CDH4: variants seen among roughly 807,000 people sequenced by gnomAD.
CDH4 encodes cadherin-4.
CDH4 carries 33 observed loss-of-function variants against 86.0 expected under a neutral mutation model. The observed-to-expected ratio is 0.38, with a 90% CI of 0.29 to 0.51. CDH4 has a LOEUF of 0.51. Ranked by LOEUF, CDH4 falls within the 20% of genes least tolerant of loss-of-function variation. CDH4 has a pLI of 0.86. For missense variants in CDH4, 1,114 were observed against 1,307.4 expected, an observed-to-expected ratio of 0.85 and a Z score of 2.28; for synonymous variants, 555 against 549.4, an observed-to-expected ratio of 1.01 and a Z score of -0.14.
chr20:61,421,150 G>C (rs1004955421), intron 2 of CDH4, among the ~76,000 whole-genome samples: 2 of 152,216 alleles, frequency 1.3e-5, no homozygotes, highest in Non-Finnish European at 2.9e-5. Context: ...GGGGACCCTG[G>C]CTGGGAGGGG....
At chr20:61,770,755 C>T (rs1490108658) in intron 3 of CDH4, among the ~76,000 whole-genome samples, 3 of 151,880 alleles carry the variant, frequency 2.0e-5, no homozygotes, top group Admixed American at 1.3e-4. Context: ...TGGTGGCGGG[C>T]GCCTGTAGTC....
intron 2 of CDH4, among the ~76,000 whole-genome samples, chr20:61,624,943 T>C (rs766884297): frequency 3.9e-5 from 6 of 152,212 alleles, no homozygotes; most frequent in Non-Finnish European, 5.9e-5. Context: ...GATAGAGCAG[T>C]TGACTGGGGC....
At chr20:61,764,506 C>T (rs1295976848) in intron 3 of CDH4, among the ~76,000 whole-genome samples, 2 of 152,076 alleles carry the variant, frequency 1.3e-5, no homozygotes, top group Admixed American at 6.5e-5. Flanking sequence ...AAGAGTTCAT[C>T]CAGAAAGACC....
intron 2 of CDH4, among the ~76,000 whole-genome samples, chr20:61,690,636 G>C (rs1186295190): frequency 6.6e-6 from 1 of 152,116 alleles, no homozygotes; most frequent in African/African-American, 2.4e-5. Context: ...CTGAGCTTTG[G>C]AGGACGGGGG....
chr20:61,556,877 G>A (rs1211988354), intron 2 of CDH4, among the ~76,000 whole-genome samples: 7 of 152,276 alleles, frequency 4.6e-5, no homozygotes, highest in Middle Eastern at 6.8e-3. Flanking sequence ...CAACAACACC[G>A]AGAACACGTG....
In CDH4 at chr20:61,703,588, C is replaced by T. The variant is rs2087799068; in HGVS notation, c.170-39975C>T. The stretch of plus-strand genomic sequence containing the variant: ...TCGTCCCCAGCTTGTGTCCCTTCCC[C>T]GTCGCACCTCTTCCCCGTGCCTGGA... On this transcript the variant is annotated intron_variant, in intron 2 of 15. Transcript: ENST00000614565. This position sits in a 1 kb window ranked among gnomAD's most constrained non-coding sequence, Gnocchi z 4.3. 6.6e-6 allele frequency among the ~76,000 whole-genome samples: 1 copy of T among 152,296 alleles called. No homozygotes were observed. Among genetic ancestry groups the T allele is most frequent in the Middle Eastern group, 3.4e-3 (1 of 294 alleles).
chr20:61,687,322 G>A (rs947929615), intron 2 of CDH4, among the ~76,000 whole-genome samples: 1 of 152,172 alleles, frequency 6.6e-6, no homozygotes, highest in African/African-American at 2.4e-5. Context: ...GTTCAGGGGA[G>A]TTTCTTACAC....
chr20:61,275,589 C>T (rs554831509), intron 2 of CDH4, among the ~76,000 whole-genome samples: 1 of 120,414 alleles, frequency 8.3e-6, no homozygotes, highest in African/African-American at 3.4e-5. Context: ...GGGGGAGTAC[C>T]ATGCGCAGTT....
intron 2 of CDH4, among the ~76,000 whole-genome samples, chr20:61,406,109 C>T (rs916731171): frequency 4.1e-4 from 63 of 152,194 alleles, no homozygotes; most frequent in African/African-American, 1.4e-3. Context: ...GCAAAGACCT[C>T]GCACTTGGCT....
chr20:61,288,777 C>T (rs932683214), intron 2 of CDH4, among the ~76,000 whole-genome samples: 1 of 152,212 alleles, frequency 6.6e-6, no homozygotes, highest in Non-Finnish European at 1.5e-5. Flanking sequence ...CCGGCTGCTC[C>T]ACAAAGCAGG....
chr20:61,427,783 CAGGCAGGCA>C (rs2085222931), intron 2 of CDH4, among the ~76,000 whole-genome samples: 1 of 152,074 alleles, frequency 6.6e-6, no homozygotes, highest in Non-Finnish European at 1.5e-5. Flanking sequence ...TCCCTCACTG[CAGGCAGGCA>C]GTGCATACCT....
At chr20:61,584,599 T>TG (rs1478446108) in intron 2 of CDH4, among the ~76,000 whole-genome samples, 2 of 152,136 alleles carry the variant, frequency 1.3e-5, no homozygotes, top group Non-Finnish European at 2.9e-5. Context: ...TATTGGGTGC[T>TG]GGGGGCACCT....
chr20:61,670,121 G>A (rs757027051), intron 2 of CDH4, among the ~76,000 whole-genome samples: 89 of 152,188 alleles, frequency 5.8e-4, no homozygotes, highest in Admixed American at 2.4e-3. Flanking sequence ...CCATAGCTCC[G>A]AGTAGCTGGA....
chr20:61,491,814 A>G (rs1490043465), intron 2 of CDH4, among the ~76,000 whole-genome samples: 2 of 146,160 alleles, frequency 1.4e-5, no homozygotes, highest in East Asian at 4.2e-4. Flanking sequence ...TGGTGGTGCC[A>G]TTGTTGGTGG....
At position 61,938,528 on chromosome 20, in the gene CDH4, A is replaced by C. The variant is rs1021858596; in HGVS notation, c.*1585A>C. On this transcript the variant is annotated 3_prime_UTR_variant, in exon 16 of 16. Coordinates refer to ENST00000614565, the MANE Select transcript of CDH4 (RefSeq NM_001794.5). ...CGAGGAAGGAGGTGAGGTACCAGGG[A>C]CCCTGGGCAGGACCTGGTGTCGGGC... The C allele has an allele frequency of 1.3e-5, 2 of 152,282 alleles. No individual in the cohort carries two copies. The highest frequency in any genetic ancestry group is 4.8e-5 in the African/African-American group (2 of 41,400). The allele number at this position is 152,282 out of a possible 1,614,324, so 9.4% of individuals were successfully genotyped here.
chr20:61,866,791 G>A (rs1983568416), intron 6 of CDH4, among the ~76,000 whole-genome samples: 1 of 152,220 alleles, frequency 6.6e-6, no homozygotes, highest in African/African-American at 2.4e-5. Context: ...ATTCTCAAAA[G>A]TGTGTCATTT....
At chr20:61,259,546 T>G (rs995090952) in intron 2 of CDH4, among the ~76,000 whole-genome samples, 1 of 152,130 alleles carries the variant, frequency 6.6e-6, no homozygotes, top group African/African-American at 2.4e-5. Context: ...TCCGAGTCGC[T>G]TTGGTTAACT....
intron 13 of CDH4, among the ~76,000 whole-genome samples, chr20:61,932,774 G>C (rs371396000): frequency 6.6e-6 from 1 of 152,252 alleles, no homozygotes; most frequent in Non-Finnish European, 1.5e-5. Context: ...ACGCACGTGG[G>C]CCGCACATGT....
At chr20:61,353,348 C>T (rs924958550) in intron 2 of CDH4, among the ~76,000 whole-genome samples, 5 of 152,060 alleles carry the variant, frequency 3.3e-5, no homozygotes, top group African/African-American at 9.7e-5. Flanking sequence ...AATATTTCCT[C>T]TTCCATTAAA....
Sources: gnomAD v4.1 joint callset for allele counts (sites outside exome capture counted in the v4.1 genomes callset) on GRCh38, gnomAD v4.1.1 for gene constraint, Gnocchi (gnomAD v3.1) non-coding constraint, MANE v1.5 for transcripts, NCBI Gene and HGNC (gene_info 2026-07-23, HGNC 2026-07-21) for gene names.